Variants in STK39 observed in about 807,000 individuals in gnomAD.
STK39 encodes STE20/SPS1-related proline-alanine-rich protein kinase.
STK39 carries 20 observed loss-of-function variants against 77.8 expected under a neutral mutation model. The observed-to-expected ratio is 0.26, with a 90% CI of 0.18 to 0.37. The LOEUF (loss-of-function observed/expected upper bound fraction) is 0.37, where lower values mean the gene tolerates loss of function less well. Ranked by LOEUF, STK39 falls within the 10% of genes least tolerant of loss-of-function variation. STK39 has a pLI of 1.00. For missense variants in STK39, 479 were observed against 656.5 expected (o/e 0.73, Z 2.95); for synonymous variants, 246 against 234.1 (o/e 1.05, Z -0.47).
chr2:168,154,587 C>A (rs534732804), intron 5 of STK39, among the ~76,000 whole-genome samples: 8 of 152,318 alleles, frequency 5.3e-5, no homozygotes, highest in African/African-American at 1.2e-4. Flanking sequence ...AATTTATCCC[C>A]ATTACAACCT....
chr2:168,232,599 T>C (rs909276803), intron 1 of STK39, among the ~76,000 whole-genome samples: 1 of 152,178 alleles, frequency 6.6e-6, no homozygotes. Flanking sequence ...ATATTATCTA[T>C]TTCCAATGGG....
chr2:168,167,266 A>C, intron 3 of STK39, 33 bp downstream of exon 3: 2 of 1,569,740 alleles, frequency 1.3e-6, no homozygotes, highest in Non-Finnish European at 1.8e-6. Context: ...AGAGAAAACA[A>C]GCAAATAAAT....
chr2:168,229,498 C>T (rs1690394072), intron 1 of STK39, among the ~76,000 whole-genome samples: 1 of 152,130 alleles, frequency 6.6e-6, no homozygotes, highest in Admixed American at 6.6e-5. Flanking sequence ...GAGGCAAACT[C>T]TGTAATTCTG....
intron 16 of STK39, among the ~76,000 whole-genome samples, chr2:167,991,780 G>A (rs1298925098): frequency 3.9e-5 from 6 of 152,088 alleles, no homozygotes; most frequent in African/African-American, 1.2e-4. Context: ...TAGAGGAAAC[G>A]GGTTAGGACT....
intron 1 of STK39, among the ~76,000 whole-genome samples, chr2:168,239,990 A>G (rs1194275054): frequency 6.6e-6 from 1 of 152,242 alleles, no homozygotes; most frequent in African/African-American, 2.4e-5. Context: ...GCACCAAGAT[A>G]TACATTTTTT....
At chr2:167,956,698 T>TCA (rs1559032284) in intron 17 of STK39, among the ~76,000 whole-genome samples, 5 of 71,830 alleles carry the variant, frequency 7.0e-5, no homozygotes, top group South Asian at 4.8e-4. Context: ...ACACACACAC[T>TCA]CTCTCTCTCT....
chr2:168,167,507 G>A (rs776714819), intron 2 of STK39, 100 bp from the exon 3 acceptor site: 161 of 1,012,808 alleles, frequency 1.6e-4, no homozygotes, highest in Non-Finnish European at 2.3e-4. Flanking sequence ...TTTCCTACTC[G>A]AAAGCCTACC....
chr2:167,975,201 A>T (rs1683242767), intron 16 of STK39, among the ~76,000 whole-genome samples: 1 of 152,220 alleles, frequency 6.6e-6, no homozygotes, highest in Non-Finnish European at 1.5e-5. Context: ...ACAAAATGCA[A>T]ATAAATTACT....
chr2:168,085,439 G>A (rs900618740), intron 10 of STK39, among the ~76,000 whole-genome samples: 4 of 152,174 alleles, frequency 2.6e-5, no homozygotes, highest in Admixed American at 1.3e-4. Flanking sequence ...CATCCTGAGT[G>A]TATGTCCAGC....
At chr2:167,988,320 T>C (rs910945075) in intron 16 of STK39, among the ~76,000 whole-genome samples, 1 of 152,162 alleles carries the variant, frequency 6.6e-6, no homozygotes, top group Admixed American at 6.5e-5. Flanking sequence ...CAGGCATATA[T>C]GAAGATCCCT....
At chr2:167,969,694 C>T (rs1281484932) in intron 16 of STK39, among the ~76,000 whole-genome samples, 1 of 152,168 alleles carries the variant, frequency 6.6e-6, no homozygotes, top group Non-Finnish European at 1.5e-5. Context: ...GCTGCTGCTC[C>T]CCAAGTGAGG....
In STK39 at chr2:168,065,208, C is replaced by A. The variant is rs1033825749; in HGVS notation, c.1305+111G>T. 7 of 1,118,202 alleles carry A rather than the reference C, an allele frequency of 6.3e-6. No homozygotes were observed. In the African/African-American group the frequency reaches 9.2e-5, roughly 15 times the overall value. The allele number at this position is 1,118,202 out of a possible 1,614,324, so 69.3% of individuals were successfully genotyped here. A position where few individuals can be genotyped will look rare whatever the true frequency, so the allele number is the denominator to read the frequency against. ...CCTATTTAAAAAGACAGCTTATAAGCCCTTGATTTGGAGGCACTACCTTGA... is the reference window on the plus strand; with the variant it reads ...CCTATTTAAAAAGACAGCTTATAAGACCTTGATTTGGAGGCACTACCTTGA... On this transcript the variant is annotated intron_variant, in intron 13 of 17. Transcript: ENST00000355999.
At chr2:168,068,081 G>A (rs993584745) in intron 12 of STK39, among the ~76,000 whole-genome samples, 1 of 152,132 alleles carries the variant, frequency 6.6e-6, no homozygotes, top group African/African-American at 2.4e-5. Context: ...ACACTATTAC[G>A]AGAACAGTAT....
intron 1 of STK39, among the ~76,000 whole-genome samples, chr2:168,182,307 A>C (rs1689101037): frequency 6.6e-6 from 1 of 152,090 alleles, no homozygotes; most frequent in African/African-American, 2.4e-5. Flanking sequence ...TGTATGTCTG[A>C]GGACACAGGG....
At chr2:168,018,298 G>A (rs1478636131) in intron 14 of STK39, among the ~76,000 whole-genome samples, 4 of 151,834 alleles carry the variant, frequency 2.6e-5, no homozygotes, top group East Asian at 3.9e-4. Flanking sequence ...TTAGGAGTTC[G>A]AGACCAGCCT....
At position 168,247,477 on chromosome 2, in the gene STK39, C is replaced by A; in HGVS notation, c.-42G>T. On this transcript the variant is annotated 5_prime_UTR_variant, in exon 1 of 18. Coordinates refer to ENST00000355999, the MANE Select transcript of STK39 (RefSeq NM_013233.3). ...GCAGGAGGACGCGCCGGCCGACGGACGACCTTCCACTTGAAACTTCCTTTG... is the reference window on the plus strand; with the variant it reads ...GCAGGAGGACGCGCCGGCCGACGGAAGACCTTCCACTTGAAACTTCCTTTG... 7.8e-7 allele frequency: 1 copy of A among 1,284,986 alleles called. No homozygotes were observed. The allele number at this position is 1,284,986 out of a possible 1,614,324, so 79.6% of individuals were successfully genotyped here.
intron 1 of STK39, among the ~76,000 whole-genome samples, chr2:168,200,083 C>T (rs187788743): frequency 1.3e-5 from 2 of 152,282 alleles, no homozygotes; most frequent in East Asian, 3.9e-4. Context: ...ATAGGGCCAA[C>T]AAAATAATGT....
chr2:168,137,457 A>C (rs1574494590), intron 8 of STK39, among the ~76,000 whole-genome samples: 1 of 152,248 alleles, frequency 6.6e-6, no homozygotes. Context: ...CACAGAAATT[A>C]AGAAGGAAGA....
chr2:168,009,929 A>G (rs1288661796), intron 16 of STK39, among the ~76,000 whole-genome samples: 1 of 152,236 alleles, frequency 6.6e-6, no homozygotes, highest in Admixed American at 6.5e-5. Context: ...CCTTTTAAAA[A>G]TTCAACAACA....
Sources: gnomAD v4.1 joint callset for allele counts (sites outside exome capture counted in the v4.1 genomes callset) on GRCh38, gnomAD v4.1.1 for gene constraint, MANE v1.5 for transcripts, NCBI Gene and HGNC (gene_info 2026-07-23, HGNC 2026-07-21) for gene names.